The following MAML2 variants were observed in gnomAD, a reference collection of about 807,000 sequenced individuals.
MAML2 encodes the protein mastermind-like protein 2.
Under a neutral mutation model 96.1 loss-of-function variants are expected in MAML2, and 22 were observed. The observed-to-expected ratio is 0.23, with a 90% confidence interval of 0.16 to 0.33. The LOEUF (loss-of-function observed/expected upper bound fraction) is 0.33, where lower values mean the gene tolerates loss of function less well. Among genes scored for constraint, MAML2 ranks in the 10% least tolerant of loss-of-function variants. MAML2 has a pLI of 1.00. For synonymous variants in MAML2, 561 were observed against 521.3 expected (o/e 1.08, Z -1.04); for missense variants, 1,367 against 1,392.4 (o/e 0.98, Z 0.29).
intron 2 of MAML2, among the ~76,000 whole-genome samples, chr11:96,042,744 C>CTTT (rs767509829): frequency 0.045 from 5,273 of 116,146 alleles, 396 homozygotes; most frequent in East Asian, 0.18. Flanking sequence ...CGTTAACGTT[C>CTTT]TTTTTTTTTT....
chr11:96,291,422 C>T (rs117311036), intron 1 of MAML2, among the ~76,000 whole-genome samples: 4 of 152,176 alleles, frequency 2.6e-5, no homozygotes, highest in East Asian at 3.9e-4. Flanking sequence ...CCACTGCGCC[C>T]GGCCTTCATA....
chr11:96,248,922 T>C (rs1215295780), intron 1 of MAML2, among the ~76,000 whole-genome samples: 1 of 152,218 alleles, frequency 6.6e-6, no homozygotes. Flanking sequence ...GTTGTTAAAC[T>C]GTTTGTAGCT....
chr11:96,248,079 G>A (rs9971615), intron 1 of MAML2, among the ~76,000 whole-genome samples: 79,575 of 150,430 alleles, frequency 0.53, 21,455 homozygotes, highest in East Asian at 0.75. Flanking sequence ...TGGGTTAAAT[G>A]AAATCATTAA....
At chr11:95,996,708 C>A (rs1857995517) in intron 2 of MAML2, among the ~76,000 whole-genome samples, 1 of 152,108 alleles carries the variant, frequency 6.6e-6, no homozygotes, top group African/African-American at 2.4e-5. Context: ...ACACAAAACA[C>A]CTCCTTATAC....
intron 1 of MAML2, among the ~76,000 whole-genome samples, chr11:96,244,620 C>A (rs1323595102): frequency 2.0e-5 from 3 of 152,202 alleles, no homozygotes; most frequent in Non-Finnish European, 4.4e-5. Context: ...ACACAAAGTT[C>A]TTTACATGCA....
At chr11:96,171,438 C>G (rs1861294931) in intron 1 of MAML2, among the ~76,000 whole-genome samples, 1 of 152,084 alleles carries the variant, frequency 6.6e-6, no homozygotes, top group Admixed American at 6.6e-5. Flanking sequence ...TCCGACCTTC[C>G]CACTCCACTC....
At chr11:96,248,345 C>G (rs1862538160) in intron 1 of MAML2, among the ~76,000 whole-genome samples, 1 of 152,086 alleles carries the variant, frequency 6.6e-6, no homozygotes, top group Non-Finnish European at 1.5e-5. Flanking sequence ...CTCCTGACCT[C>G]AAGTGATCCA....
At chr11:96,049,298 T>C (rs1275470949) in intron 2 of MAML2, among the ~76,000 whole-genome samples, 2 of 152,200 alleles carry the variant, frequency 1.3e-5, no homozygotes, top group Non-Finnish European at 2.9e-5. Flanking sequence ...GGTAATAATA[T>C]AAAGTAGAGA....
chr11:96,088,905 C>T (rs1028337939), intron 2 of MAML2, among the ~76,000 whole-genome samples: 2 of 152,104 alleles, frequency 1.3e-5, no homozygotes, highest in African/African-American at 2.4e-5. Context: ...GGTCACCTTG[C>T]ATATCTATGA....
At chr11:96,220,564 A>T (rs1862120867) in intron 1 of MAML2, among the ~76,000 whole-genome samples, 1 of 152,146 alleles carries the variant, frequency 6.6e-6, no homozygotes, top group Admixed American at 6.5e-5. Context: ...AGTCATACAT[A>T]TTATTTATCT....
At chr11:96,181,292 G>A (rs1477223814) in intron 1 of MAML2, among the ~76,000 whole-genome samples, 2 of 152,114 alleles carry the variant, frequency 1.3e-5, no homozygotes, top group East Asian at 3.9e-4. Flanking sequence ...AAGTCTAGTG[G>A]TTAAATACTG....
At chr11:96,339,182 G>C (rs1863956813) in intron 1 of MAML2, among the ~76,000 whole-genome samples, 1 of 152,194 alleles carries the variant, frequency 6.6e-6, no homozygotes, top group African/African-American at 2.4e-5. Context: ...TCCTCTAAGG[G>C]AATGTCTCAG....
rs183850042 is a variant in MAML2 at position 96,049,068 on chromosome 11, A to G, written c.2139+42824T>C. On this transcript the variant is annotated intron_variant, in intron 2 of 4. Transcript: ENST00000524717. ...AACCAGTGATGCTTCTAATATCTCA[A>G]ATAGAATTCTATTGATTTGGAACCT... 4.6e-4 allele frequency among the ~76,000 whole-genome samples: 70 copies of G among 152,302 alleles called. 1 individual carries two copies. The highest frequency in any genetic ancestry group is 1.5e-3 in the African/African-American group (64 of 41,576).
At chr11:96,180,512 T>A (rs1379453055) in intron 1 of MAML2, among the ~76,000 whole-genome samples, 7 of 152,156 alleles carry the variant, frequency 4.6e-5, no homozygotes, top group Admixed American at 1.3e-4. Context: ...ACTGCTCAAG[T>A]TAAGATCTCA....
chr11:96,171,176 A>G (rs1215580273), intron 1 of MAML2, among the ~76,000 whole-genome samples: 1 of 152,184 alleles, frequency 6.6e-6, no homozygotes, highest in African/African-American at 2.4e-5. Context: ...GGATGGAGTA[A>G]AAACCATTGG....
At chr11:96,237,041 G>A (rs548384882) in intron 1 of MAML2, among the ~76,000 whole-genome samples, 188 of 152,140 alleles carry the variant, frequency 1.2e-3, no homozygotes, top group African/African-American at 4.3e-3. Flanking sequence ...CCAAGCATGA[G>A]CCAAAATGGA....
At chr11:96,078,852 C>T (rs1859489439) in intron 2 of MAML2, among the ~76,000 whole-genome samples, 1 of 152,218 alleles carries the variant, frequency 6.6e-6, no homozygotes, top group Non-Finnish European at 1.5e-5. Flanking sequence ...TATCCTATGT[C>T]TCTACTCTTT....
intron 3 of MAML2, among the ~76,000 whole-genome samples, chr11:95,989,971 A>G (rs925346979): frequency 6.6e-6 from 1 of 152,078 alleles, no homozygotes; most frequent in Admixed American, 6.6e-5. Flanking sequence ...ACAAATTCAC[A>G]CCCAGGCTGC....
chr11:96,213,565 G>C (rs924093026), intron 1 of MAML2, among the ~76,000 whole-genome samples: 1 of 152,194 alleles, frequency 6.6e-6, no homozygotes, highest in Admixed American at 6.5e-5. Flanking sequence ...GCCTTAAGAA[G>C]TGTAGATGGC....
Sources: gnomAD v4.1 joint callset for allele counts (sites outside exome capture counted in the v4.1 genomes callset) on GRCh38, gnomAD v4.1.1 for gene constraint, MANE v1.5 for transcripts, NCBI Gene and HGNC (gene_info 2026-07-23, HGNC 2026-07-21) for gene names.